The following TENM2 variants were observed in gnomAD, a reference collection of about 807,000 sequenced individuals.
The protein encoded by TENM2 is teneurin transmembrane protein 2.
Under a neutral mutation model 245.2 loss-of-function variants are expected in TENM2, and 52 were observed. The ratio of observed to expected loss-of-function variants is 0.21; its 90% confidence interval spans 0.17 to 0.27. The LOEUF is 0.27. TENM2 is among the 10% of genes least tolerant of loss of function. TENM2 has a pLI of 1.00. For synonymous variants in TENM2, 1,363 were observed against 1,438.9 expected, an observed-to-expected ratio of 0.95 and a Z score of 1.19; for missense variants, 3,046 against 3,666.8, an observed-to-expected ratio of 0.83 and a Z score of 4.37.
intron 23 of TENM2, among the ~76,000 whole-genome samples, chr5:168,221,652 C>T (rs1225853134): frequency 6.6e-6 from 1 of 152,162 alleles, no homozygotes; most frequent in East Asian, 1.9e-4. Flanking sequence ...ATTTTATGAT[C>T]AGCCAGTTCC....
intron 2 of TENM2, among the ~76,000 whole-genome samples, chr5:167,873,609 A>C (rs1773167176): frequency 6.6e-6 from 1 of 152,238 alleles, no homozygotes; most frequent in South Asian, 2.1e-4. Context: ...ATACATATAA[A>C]GGAACTAGCA....
intron 4 of TENM2, among the ~76,000 whole-genome samples, chr5:167,990,380 G>T (rs2152001008): frequency 6.6e-6 from 1 of 152,272 alleles, no homozygotes; most frequent in Non-Finnish European, 1.5e-5. Context: ...CTTACTATGG[G>T]ACACACCTTG....
chr5:167,994,442 C>T (rs758999656), intron 5 of TENM2, among the ~76,000 whole-genome samples: 25 of 152,170 alleles, frequency 1.6e-4, no homozygotes, highest in African/African-American at 2.4e-5. Flanking sequence ...ACTGGCCCAG[C>T]GCTTCCCAGA....
chr5:167,332,795 G>A (rs545886206), intron 1 of TENM2, among the ~76,000 whole-genome samples: 27 of 152,240 alleles, frequency 1.8e-4, no homozygotes, highest in African/African-American at 4.8e-4. Flanking sequence ...CGTTGATTCC[G>A]TTAGTTATCT....
At chr5:168,043,841 G>C (rs1437371755) in intron 5 of TENM2, among the ~76,000 whole-genome samples, 1 of 152,210 alleles carries the variant, frequency 6.6e-6, no homozygotes, top group Non-Finnish European at 1.5e-5. Context: ...TCGGGAAGGG[G>C]TGTGGTCATT....
chr5:167,995,690 G>A (rs1382538767), intron 5 of TENM2, among the ~76,000 whole-genome samples: 1 of 152,160 alleles, frequency 6.6e-6, no homozygotes, highest in Non-Finnish European at 1.5e-5. Flanking sequence ...ACAACATGGG[G>A]GCAGGATGGT....
chr5:167,754,553 C>A (rs1165620515), intron 2 of TENM2, among the ~76,000 whole-genome samples: 1 of 151,950 alleles, frequency 6.6e-6, no homozygotes, highest in African/African-American at 2.4e-5. Flanking sequence ...CCTTCTGAAA[C>A]CAATTACTTC....
intron 2 of TENM2, among the ~76,000 whole-genome samples, chr5:167,817,260 A>C (rs1484154248): frequency 1.3e-5 from 2 of 152,214 alleles, no homozygotes; most frequent in African/African-American, 4.8e-5. Flanking sequence ...CTTCTTCTGA[A>C]GACTTATAAT....
chr5:167,327,905 G>T (rs924322557), intron 1 of TENM2, among the ~76,000 whole-genome samples: 2 of 152,130 alleles, frequency 1.3e-5, no homozygotes, highest in African/African-American at 2.4e-5. Flanking sequence ...GACTCTGCGG[G>T]GATAAGAGAT....
At chr5:167,403,132 AGT>A (rs1762450584) in intron 2 of TENM2, among the ~76,000 whole-genome samples, 1 of 151,480 alleles carries the variant, frequency 6.6e-6, no homozygotes, top group Non-Finnish European at 1.5e-5. Context: ...CACATATGTG[AGT>A]GTGTGTGTGT....
chr5:167,050,461 G>T, the TENM2 span, among the ~76,000 whole-genome samples: 1 of 152,178 alleles, frequency 6.6e-6, no homozygotes, highest in African/African-American at 2.4e-5. Flanking sequence ...CCAAAAGGTT[G>T]GAGACCGCTG....
intron 2 of TENM2, among the ~76,000 whole-genome samples, chr5:167,843,350 G>T (rs1000768615): frequency 6.6e-6 from 1 of 152,144 alleles, no homozygotes; most frequent in Non-Finnish European, 1.5e-5. Context: ...TCGCACTTTT[G>T]AAAGCACCAA....
chr5:167,369,758 C>T (rs1760292045), intron 1 of TENM2, among the ~76,000 whole-genome samples: 1 of 152,138 alleles, frequency 6.6e-6, no homozygotes, highest in Admixed American at 6.5e-5. Context: ...TGAAAGTTTT[C>T]TGTATTGCAT....
At chr5:167,520,034 C>G (rs954381846) in intron 2 of TENM2, among the ~76,000 whole-genome samples, 5 of 152,102 alleles carry the variant, frequency 3.3e-5, no homozygotes, top group Admixed American at 3.3e-4. Flanking sequence ...AACCTTGATT[C>G]AATACTTTGT....
At chr5:167,419,245 T>G (rs1296639251) in intron 2 of TENM2, among the ~76,000 whole-genome samples, 2 of 151,962 alleles carry the variant, frequency 1.3e-5, no homozygotes, top group African/African-American at 4.8e-5. Context: ...GCAGATCGCT[T>G]GAGGTCAGAA....
the TENM2 span, among the ~76,000 whole-genome samples, chr5:167,235,516 T>C: frequency 2.2e-4 from 34 of 152,298 alleles, 1 homozygote; most frequent in South Asian, 7.0e-3. Flanking sequence ...ACTGAAAAGT[T>C]TAGGGTAAAT....
At chr5:168,065,974 A>C (rs1790469170) in intron 7 of TENM2, among the ~76,000 whole-genome samples, 1 of 151,778 alleles carries the variant, frequency 6.6e-6, no homozygotes, top group African/African-American at 2.4e-5. Flanking sequence ...TCTGGTTGTC[A>C]CACTGTGAGG....
At chr5:167,444,298 T>TACACACACAC (rs140953889) in intron 2 of TENM2, among the ~76,000 whole-genome samples, 26,097 of 150,346 alleles carry the variant, frequency 0.17, 2,517 homozygotes, top group Non-Finnish European at 0.22. Context: ...CACATACACA[T>TACACACACAC]ACACACACAC....
At chr5:167,840,952 CT>C (rs572487110) in intron 2 of TENM2, among the ~76,000 whole-genome samples, 4 of 152,150 alleles carry the variant, frequency 2.6e-5, no homozygotes, top group Non-Finnish European at 5.9e-5. Context: ...TGCAACATCA[CT>C]TTTTTTCACA....
Sources: allele counts gnomAD v4.1 joint callset (sites outside exome capture counted in the v4.1 genomes callset), GRCh38; gene constraint gnomAD v4.1.1; transcripts MANE v1.5; gene names NCBI Gene and HGNC (gene_info 2026-07-23, HGNC 2026-07-21).